Variants in DPYD observed in about 807,000 individuals in gnomAD.
DPYD encodes dihydropyrimidine dehydrogenase, also known as dihydropyrimidine dehydrogenase [NADP(+)].
Under a neutral mutation model 116.2 loss-of-function variants are expected in DPYD, and 109 were observed. That is an observed-to-expected ratio of 0.94 (90% CI 0.80 to 1.10). DPYD has a LOEUF of 1.10. Among genes scored for constraint, DPYD ranks in the 50% least tolerant of loss-of-function variants. The pLI is 0.00. For missense variants in DPYD, 1,302 were observed against 1,254.5 expected (o/e 1.04, Z -0.57); for synonymous variants, 440 against 432.0 (o/e 1.02, Z -0.23).
At chr1:97,410,020 G>A (rs2101663126) in intron 14 of DPYD, among the ~76,000 whole-genome samples, 1 of 151,646 alleles carries the variant, frequency 6.6e-6, no homozygotes, top group Middle Eastern at 3.4e-3. Context: ...GAGCTGAGAT[G>A]GCTCCACTGC....
chr1:97,539,489 A>AAT (rs1007026251), intron 12 of DPYD, among the ~76,000 whole-genome samples: 5 of 151,968 alleles, frequency 3.3e-5, no homozygotes, highest in Non-Finnish European at 5.9e-5. Context: ...TTTGTCTCTC[A>AAT]ATATATATAT....
chr1:97,213,167 G>T (rs1049381195), intron 19 of DPYD, among the ~76,000 whole-genome samples: 3 of 152,016 alleles, frequency 2.0e-5, no homozygotes, highest in South Asian at 2.1e-4. Context: ...CTTACCAAAG[G>T]CCTATCTCTT....
At chr1:97,098,453 A>T in intron 21 of DPYD, 36 bp downstream of exon 21, 1 of 1,600,176 alleles carries the variant, frequency 6.2e-7, no homozygotes, top group Non-Finnish European at 8.6e-7. Flanking sequence ...TTAACCAGTA[A>T]AGTAGGCATA....
intron 8 of DPYD, among the ~76,000 whole-genome samples, chr1:97,630,551 C>T (rs565644959): frequency 1.3e-5 from 2 of 152,210 alleles, no homozygotes; most frequent in South Asian, 2.1e-4. Context: ...GACCTCAGAG[C>T]TTAGTGTTTT....
At position 97,694,335 on chromosome 1, in the gene DPYD, T is replaced by C. The variant is rs188065773; in HGVS notation, c.681-2537A>G. 5.9e-5 allele frequency among the ~76,000 whole-genome samples: 9 copies of C among 152,190 alleles called. No individual in the cohort carries two copies. In the East Asian group the frequency reaches 1.3e-3, roughly 23 times the overall value. On this transcript the variant is annotated intron_variant, in intron 6 of 22. Transcript: ENST00000370192. ...TTCACTAATGGATGAAGTCAGCAAA[T>C]AGACGAAACACATACACACATACAT...
At chr1:97,912,050 C>T (rs983518885) in intron 1 of DPYD, among the ~76,000 whole-genome samples, 1 of 152,072 alleles carries the variant, frequency 6.6e-6, no homozygotes, top group South Asian at 2.1e-4. Flanking sequence ...CGTTCTGTTA[C>T]CTAGAATCAG....
At chr1:97,323,472 T>C (rs1668481049) in intron 16 of DPYD, among the ~76,000 whole-genome samples, 5 of 133,838 alleles carry the variant, frequency 3.7e-5, no homozygotes, top group African/African-American at 1.3e-4. Context: ...TACATATATG[T>C]GTATATATAC....
At chr1:97,246,820 G>A (rs1476357718) in intron 18 of DPYD, among the ~76,000 whole-genome samples, 1 of 151,868 alleles carries the variant, frequency 6.6e-6, no homozygotes, top group Non-Finnish European at 1.5e-5. Flanking sequence ...TCAAGTAAGG[G>A]AAGTTCAAAG....
chr1:97,130,820 CCTTT>C (rs1287291753), intron 20 of DPYD, among the ~76,000 whole-genome samples: 16 of 36,250 alleles, frequency 4.4e-4, no homozygotes. Context: ...TTTCTTTCTT[CCTTT>C]CTTTCTTCTT....
chr1:97,180,033 C>A (rs2101796601), intron 20 of DPYD, among the ~76,000 whole-genome samples: 1 of 152,242 alleles, frequency 6.6e-6, no homozygotes, highest in African/African-American at 2.4e-5. Context: ...CCTTCCTAAG[C>A]TCCCAGGGTT....
chr1:97,752,598 C>T (rs1664994168), intron 3 of DPYD, among the ~76,000 whole-genome samples: 1 of 152,170 alleles, frequency 6.6e-6, no homozygotes, highest in Non-Finnish European at 1.5e-5. Context: ...GATGCTAGAA[C>T]TCTGCTCATA....
intron 13 of DPYD, among the ~76,000 whole-genome samples, chr1:97,507,288 G>C (rs1046398973): frequency 2.0e-5 from 3 of 151,832 alleles, no homozygotes; most frequent in Non-Finnish European, 4.4e-5. Flanking sequence ...AAGTCTCCCA[G>C]ATAAAAAGCT....
chr1:97,502,183 C>A (rs143810803), intron 13 of DPYD, among the ~76,000 whole-genome samples: 3 of 152,046 alleles, frequency 2.0e-5, no homozygotes, highest in Non-Finnish European at 1.5e-5. Flanking sequence ...GAATTTGTGA[C>A]CACTCCTTCA....
chr1:97,736,850 T>TTGTGTG (rs71590232), intron 4 of DPYD, among the ~76,000 whole-genome samples: 5,101 of 142,052 alleles, frequency 0.036, 191 homozygotes, highest in African/African-American at 0.09. Flanking sequence ...GTGTGTGCAT[T>TTGTGTG]TGTGTGTGTG....
chr1:97,208,922 G>T (rs561923218), intron 19 of DPYD, among the ~76,000 whole-genome samples: 1 of 152,094 alleles, frequency 6.6e-6, no homozygotes, highest in African/African-American at 2.4e-5. Flanking sequence ...TTCAAGTTCT[G>T]AATTTTGTAT....
intron 6 of DPYD, among the ~76,000 whole-genome samples, chr1:97,698,831 A>C (rs1661441173): frequency 6.6e-6 from 1 of 151,908 alleles, no homozygotes; most frequent in Non-Finnish European, 1.5e-5. Flanking sequence ...TTTCATGGGA[A>C]TAATATGATC....
At position 97,758,970 on chromosome 1, in the gene DPYD, A is replaced by G. The variant is rs571318796; in HGVS notation, c.234-18491T>C. On this transcript the variant is annotated intron_variant, in intron 3 of 22. Coordinates refer to ENST00000370192, the MANE Select transcript of DPYD (RefSeq NM_000110.4). ...CATTCTCCATTTGGGAAATGAGACA[A>G]TATTTACCTTAGAATCATGAGAATC... Among the ~76,000 whole-genome samples, 3 of 152,276 alleles carry G rather than the reference A, an allele frequency of 2.0e-5. No homozygotes were observed. In the East Asian group the frequency reaches 5.8e-4, roughly 29 times the overall value.
At chr1:97,146,178 A>C (rs1654615326) in intron 20 of DPYD, among the ~76,000 whole-genome samples, 1 of 152,172 alleles carries the variant, frequency 6.6e-6, no homozygotes, top group African/African-American at 2.4e-5. Flanking sequence ...GAAATGGGTG[A>C]GATGCTAATC....
At chr1:97,385,742 C>A (rs1287671433) in intron 14 of DPYD, among the ~76,000 whole-genome samples, 1 of 151,848 alleles carries the variant, frequency 6.6e-6, no homozygotes, top group Non-Finnish European at 1.5e-5. Context: ...TCTAGCCAGG[C>A]AGATGGGTTG....
Sources: allele counts gnomAD v4.1 joint callset (sites outside exome capture counted in the v4.1 genomes callset), GRCh38; gene constraint gnomAD v4.1.1; transcripts MANE v1.5; gene names NCBI Gene and HGNC (gene_info 2026-07-23, HGNC 2026-07-21).